The following MUC15 variants were observed in gnomAD, a reference collection of about 807,000 sequenced individuals.
MUC15 encodes the protein mucin 15, cell surface associated.
In MUC15, 23 loss-of-function variants were observed where a neutral mutation model predicts 24.0. The observed-to-expected ratio is 0.96, with a 90% confidence interval of 0.69 to 1.36. MUC15 has a LOEUF of 1.36. Ranked by LOEUF, MUC15 falls within the 40% of genes most tolerant of loss-of-function variation. MUC15 has a pLI of 0.00. For synonymous variants in MUC15, 151 were observed against 156.3 expected (o/e 0.97, Z 0.25); for missense variants, 442 against 428.2 (o/e 1.03, Z -0.29).
intron 1 of MUC15, among the ~76,000 whole-genome samples, chr11:26,569,150 C>A (rs955154892): frequency 6.6e-6 from 1 of 152,010 alleles, no homozygotes; most frequent in African/African-American, 2.4e-5. Context: ...TCCTGTTTCA[C>A]CTTGCCTGTG....
rs759185166 is a variant in MUC15 at position 26,565,911 on chromosome 11, C to T, written c.44-15G>A. ...TTTAAAGGAATCTGAAAGAAAATAA[C>T]CATAATTTGAATTCCTTAAATAAAA... On this transcript the variant is annotated splice_polypyrimidine_tract_variant and intron_variant, in intron 2 of 4. Coordinates refer to ENST00000529533, the MANE Select transcript of MUC15 (RefSeq NM_001135091.2). 2.6e-6 allele frequency: 4 copies of T among 1,554,628 alleles called. No individual in the cohort carries two copies. The highest frequency in any genetic ancestry group is 2.5e-5 in the South Asian group (2 of 81,440).
chr11:26,570,379 T>C (rs921451326), intron 1 of MUC15, among the ~76,000 whole-genome samples: 7 of 152,084 alleles, frequency 4.6e-5, no homozygotes, highest in African/African-American at 1.4e-4. Flanking sequence ...TATTTTTGCT[T>C]CCTTTTAAAT....
At position 26,560,047 on chromosome 11, in the gene MUC15, TAAAAAC is replaced by T. The variant is rs1850225978; in HGVS notation, c.*1012_*1017del. 1 of 336,246 alleles carries T rather than the reference TAAAAAC, an allele frequency of 3.0e-6. No individual in the cohort carries two copies. The highest frequency in any genetic ancestry group is 4.5e-5 in the Admixed American group (1 of 22,096). The allele number at this position is 336,246 out of a possible 1,614,324, so 20.8% of individuals were successfully genotyped here. A position where few individuals can be genotyped will look rare whatever the true frequency, so the allele number is the denominator to read the frequency against. On this transcript the variant is annotated 3_prime_UTR_variant, in exon 5 of 5. Transcript: ENST00000529533. The stretch of plus-strand genomic sequence containing the variant: ...TTTTCTACCAAAGGAAGGTGGTAAT[TAAAAAC>T]AAACTGAAACATACTAGAATCCAAA...
Position 26,565,234 on chromosome 11 carries a change from T to C in MUC15, c.706A>G (p.Thr236Ala). ...TGFTPYQEKT[T>A]LQPTLKFTNN... ...GTGAATTTTAAGGTAGGCTGTAGAGTTGTTTTTTCTTGATAAGGGGTAAAC... is the reference window on the plus strand; with the variant it reads ...GTGAATTTTAAGGTAGGCTGTAGAGCTGTTTTTTCTTGATAAGGGGTAAAC... The change falls in exon 3 of 5, where the codon ACT becomes GCT. Residue 236 changes from threonine (T) to alanine (A), a missense_variant. Thr to Ala is a moderately conservative substitution (Grantham distance 58). Coordinates refer to ENST00000529533, the MANE Select transcript of MUC15 (RefSeq NM_001135091.2). 1.3e-6 allele frequency: 2 copies of C among 1,541,628 alleles called. No homozygotes were observed. Among genetic ancestry groups the C allele is most frequent in the Non-Finnish European group, 1.7e-6 (2 of 1,145,258 alleles).
At position 26,565,206 on chromosome 11, in the gene MUC15, T is replaced by C. The variant is rs1327497550; in HGVS notation, c.734A>G (p.Asn245Ser). ...CGTATTTGGAAAGAGTTTTGAATTA[T>C]TGGTGAATTTTAAGGTAGGCTGTAG... ...TTLQPTLKFT[N>S]NSKLFPNTSD... The change falls in exon 3 of 5, where the codon AAT becomes AGT. Residue 245 changes from asparagine to serine, a missense_variant. Asn to Ser is a conservative substitution (Grantham distance 46, BLOSUM62 1). Transcript: ENST00000529533. The C allele has an allele frequency of 6.0e-6, 9 of 1,509,350 alleles. No homozygotes were observed. The highest frequency in any genetic ancestry group is 1.4e-5 in the African/African-American group (1 of 71,290). The allele number at this position is 1,509,350 out of a possible 1,614,324, so 93.5% of individuals were successfully genotyped here. A position where few individuals can be genotyped will look rare whatever the true frequency, so the allele number is the denominator to read the frequency against.
Position 26,563,260 on chromosome 11 carries a change from TATTTTCTACAGGACAAAAAAA to T in MUC15, c.776-16_780del. ...GCCCCGAATACTATTCCTGTATTTC[TATTTTCTACAGGACAAAAAAA>T]ATTTAAAGAAATATAAAATAATTAT... is the stretch of plus-strand genomic sequence containing the variant. On this transcript the variant is annotated splice_acceptor_variant and splice_polypyrimidine_tract_variant and coding_sequence_variant and intron_variant, in exon 4 of 5. Transcript: ENST00000529533. LOFTEE classifies it high-confidence loss of function. 1 of 1,595,792 alleles carries T rather than the reference TATTTTCTACAGGACAAAAAAA, an allele frequency of 6.3e-7. No homozygotes were observed. Among genetic ancestry groups the T allele is most frequent in the South Asian group, 1.2e-5 (1 of 86,456 alleles).
Position 26,561,037 on chromosome 11 carries a change from G to A in MUC15, c.*28C>T. The stretch of plus-strand genomic sequence containing the variant: ...AAAGGCTAGGATGTAGATGACACTT[G>A]CTGTTTAACGCCTTTTTGCTGTTAG... On this transcript the variant is annotated 3_prime_UTR_variant, in exon 5 of 5. Coordinates refer to ENST00000529533, the MANE Select transcript of MUC15 (RefSeq NM_001135091.2). 6.3e-7 allele frequency: 1 copy of A among 1,591,832 alleles called. No homozygotes were observed. The highest frequency in any genetic ancestry group is 8.6e-7 in the Non-Finnish European group (1 of 1,168,736).
rs1405759719 is a variant in MUC15, at chr11:26,559,961, A to T, written c.*1104T>A. On this transcript the variant is annotated 3_prime_UTR_variant, in exon 5 of 5. Coordinates refer to ENST00000529533, the MANE Select transcript of MUC15 (RefSeq NM_001135091.2). Reference sequence around the variant, plus strand: ...ATATTCAGTGCTTCTTTAGGAATTTAACTCTTGATCTCATCCTCTAATCTC... The same window carrying T: ...ATATTCAGTGCTTCTTTAGGAATTTTACTCTTGATCTCATCCTCTAATCTC... 3 of 482,202 alleles carry T rather than the reference A, an allele frequency of 6.2e-6. No individual in the cohort carries two copies. The highest frequency in any genetic ancestry group is 1.1e-5 in the Non-Finnish European group (3 of 270,212). 29.9% of individuals were successfully genotyped at this position (482,202 alleles called of 1,614,324 possible).
Position 26,565,249 on chromosome 11 carries a change from A to G in MUC15, c.691T>C (p.Tyr231His), listed in dbSNP as rs146658130. 243 of 1,554,860 alleles carry G rather than the reference A, an allele frequency of 1.6e-4. 1 individual carries two copies. The African/African-American group carries it at 2.5e-3, about 16-fold the overall frequency. ...NSDSFTGFTPYQEKTTLQPTL... is the reference protein window; with the variant it reads ...NSDSFTGFTPHQEKTTLQPTL... ...GGCTGTAGAGTTGTTTTTTCTTGAT[A>G]AGGGGTAAACCCAGTGAAGCTATCA... The change falls in exon 3 of 5, where the codon TAT becomes CAT. Residue 231 changes from tyrosine (Y) to histidine (H), a missense_variant. Physicochemically the swap from Tyr to His is moderately conservative, Grantham distance 83 (BLOSUM62 2). Coordinates refer to ENST00000529533, the MANE Select transcript of MUC15 (RefSeq NM_001135091.2).
rs779331577 is a variant in MUC15, at chr11:26,561,228, A to G, written c.926-3T>C. 1.3e-6 allele frequency: 2 copies of G among 1,597,402 alleles called. No individual in the cohort carries two copies. The highest frequency in any genetic ancestry group is 1.7e-5 in the Admixed American group (1 of 57,350). ...CGGTGCATTGTCTAATCGCAGAACTAAAAAAGTAACAAAATAATACTGTTT... is the reference window on the plus strand; with the variant it reads ...CGGTGCATTGTCTAATCGCAGAACTGAAAAAGTAACAAAATAATACTGTTT... On this transcript the variant is annotated splice_region_variant and splice_polypyrimidine_tract_variant and intron_variant, in intron 4 of 4. Transcript: ENST00000529533.
chr11:26,559,862 A>C lies in MUC15; in HGVS notation c.*1203T>G, dbSNP rs1223258950. The C allele has an allele frequency of 1.1e-6, 1 of 915,032 alleles. No individual in the cohort carries two copies. The highest frequency in any genetic ancestry group is 1.6e-5 in the African/African-American group (1 of 61,012). The allele number at this position is 915,032 out of a possible 1,614,324, so 56.7% of individuals were successfully genotyped here. A position where few individuals can be genotyped will look rare whatever the true frequency, so the allele number is the denominator to read the frequency against. On this transcript the variant is annotated 3_prime_UTR_variant, in exon 5 of 5. Coordinates refer to ENST00000529533, the MANE Select transcript of MUC15 (RefSeq NM_001135091.2). ...CACACACACACACACACACACACAC[A>C]CACACACACACACCATGAATCAATT...
In MUC15 at chr11:26,565,823, C is replaced by T. The variant is rs575183322; in HGVS notation, c.117G>A (p.Thr39=). ...LALAKILLIS[T]LFYSLLSGSH... is the part of the protein sequence containing the mutation. The stretch of plus-strand genomic sequence containing the variant: ...TCCCCGATAGAAGTGAATAAAACAA[C>T]GTTGAAATCAACAGAATTTTGGCTA... The change falls in exon 3 of 5, where the codon ACG becomes ACA. Residue 39 remains threonine (T), a synonymous_variant. Coordinates refer to ENST00000529533, the MANE Select transcript of MUC15 (RefSeq NM_001135091.2). 1.4e-4 allele frequency: 233 copies of T among 1,612,566 alleles called. 3 individuals are homozygous for T. The South Asian group carries it at 2.2e-3, about 15-fold the overall frequency.
chr11:26,563,284 T>A lies in MUC15; in HGVS notation c.776-19A>T. 1 of 1,573,942 alleles carries A rather than the reference T, an allele frequency of 6.4e-7. No individual in the cohort carries two copies. Reference sequence around the variant, plus strand: ...CTATTTTCTACAGGACAAAAAAAATTTAAAGAAATATAAAATAATTATTCA... The same window carrying A: ...CTATTTTCTACAGGACAAAAAAAATATAAAGAAATATAAAATAATTATTCA... On this transcript the variant is annotated intron_variant, in intron 3 of 4. Coordinates refer to ENST00000529533, the MANE Select transcript of MUC15 (RefSeq NM_001135091.2).
At chr11:26,569,319 A>G (rs951354404) in intron 1 of MUC15, among the ~76,000 whole-genome samples, 7 of 152,170 alleles carry the variant, frequency 4.6e-5, no homozygotes, top group African/African-American at 7.2e-5. Context: ...GGGGTAGTTC[A>G]GTATGTTGTG....
chr11:26,571,205 A>T lies in MUC15; in HGVS notation c.-46+836T>A, dbSNP rs1850811771. 2.0e-5 allele frequency among the ~76,000 whole-genome samples: 3 copies of T among 152,084 alleles called. No homozygotes were observed. In the South Asian group the frequency reaches 6.2e-4, roughly 31 times the overall value. On this transcript the variant is annotated intron_variant, in intron 1 of 4. Coordinates refer to ENST00000529533, the MANE Select transcript of MUC15 (RefSeq NM_001135091.2). ...AGAAAGAAAGTTTCTCCGAAAGGAAAGTTCTAGATCAAAATTTTCAAGCAT... is the reference window on the plus strand; with the variant it reads ...AGAAAGAAAGTTTCTCCGAAAGGAATGTTCTAGATCAAAATTTTCAAGCAT...
chr11:26,562,010 G>T (rs1850313317), intron 4 of MUC15, among the ~76,000 whole-genome samples: 1 of 151,830 alleles, frequency 6.6e-6, no homozygotes, highest in Admixed American at 6.6e-5. Context: ...TGGGAGAGGT[G>T]TCTCAAAGCT....
At position 26,572,210 on chromosome 11, in the gene MUC15, T is replaced by G; in HGVS notation, c.-215A>C. 3.0e-6 allele frequency: 3 copies of G among 985,418 alleles called. No individual in the cohort carries two copies. Among genetic ancestry groups the G allele is most frequent in the Non-Finnish European group, 3.6e-6 (3 of 830,014 alleles). The allele number at this position is 985,418 out of a possible 1,614,324, so 61.0% of individuals were successfully genotyped here. On this transcript the variant is annotated 5_prime_UTR_variant, in exon 1 of 5. Transcript: ENST00000529533. Reference sequence around the variant, plus strand: ...TAGGTGGGGCTGGCTGTATCTTGCTTGTGTAACAGAGCGCCCAGGAACCTG... The same window carrying G: ...TAGGTGGGGCTGGCTGTATCTTGCTGGTGTAACAGAGCGCCCAGGAACCTG...
chr11:26,566,138 G>T (rs1021901159), intron 2 of MUC15, among the ~76,000 whole-genome samples: 12 of 151,748 alleles, frequency 7.9e-5, no homozygotes, highest in Admixed American at 7.9e-4. Context: ...ACTTCCTCAA[G>T]CCACACACTG....
At position 26,560,887 on chromosome 11, in the gene MUC15, A is replaced by T. The variant is rs976285116; in HGVS notation, c.*178T>A. The T allele has an allele frequency of 3.5e-6, 2 of 566,896 alleles. No individual in the cohort carries two copies. Among genetic ancestry groups the T allele is most frequent in the Non-Finnish European group, 2.9e-6 (1 of 345,366 alleles). 35.1% of individuals were successfully genotyped at this position (566,896 alleles called of 1,614,324 possible). Reference sequence around the variant, plus strand: ...CTCAGGATGGCCAAAAATTGTAAGAAAGAAAACCTTTGGATGATACATCCT... The same window carrying T: ...CTCAGGATGGCCAAAAATTGTAAGATAGAAAACCTTTGGATGATACATCCT... On this transcript the variant is annotated 3_prime_UTR_variant, in exon 5 of 5. Transcript: ENST00000529533.
Sources: gnomAD v4.1 joint callset for allele counts (sites outside exome capture counted in the v4.1 genomes callset) on GRCh38, gnomAD v4.1.1 for gene constraint, MANE v1.5 for transcripts, NCBI Gene and HGNC (gene_info 2026-07-23, HGNC 2026-07-21) for gene names.